KTN1: variants seen among roughly 807,000 people sequenced by gnomAD.
The protein encoded by KTN1 is kinectin 1.
KTN1 carries 130 observed loss-of-function variants against 222.5 expected under a neutral mutation model. The ratio of observed to expected loss-of-function variants is 0.58; its 90% confidence interval spans 0.51 to 0.68. The LOEUF (loss-of-function observed/expected upper bound fraction) is 0.68. KTN1 is among the 30% of genes least tolerant of loss of function. The pLI, the probability that KTN1 is intolerant of heterozygous loss-of-function variation, is 0.00. For missense variants in KTN1, 1,508 were observed against 1,500.4 expected, an observed-to-expected ratio of 1.01 and a Z score of -0.08; for synonymous variants, 512 against 496.3, an observed-to-expected ratio of 1.03 and a Z score of -0.42.
chr14:55,586,568 A>G (rs2033042501), intron 1 of KTN1, among the ~76,000 whole-genome samples: 1 of 152,168 alleles, frequency 6.6e-6, no homozygotes, highest in Non-Finnish European at 1.5e-5. Context: ...CTTAGAGCCC[A>G]TTCTTACCCG....
At chr14:55,633,810 C>T (rs115812634) in intron 8 of KTN1, among the ~76,000 whole-genome samples, 150 of 152,186 alleles carry the variant, frequency 9.9e-4, no homozygotes, top group African/African-American at 3.4e-3. Flanking sequence ...TTATGATTCA[C>T]TGACTCTGAG....
chr14:55,598,452 G>T (rs936372001), intron 1 of KTN1, among the ~76,000 whole-genome samples: 1 of 141,956 alleles, frequency 7.0e-6, no homozygotes. Flanking sequence ...AAAAAAAAAA[G>T]AATATTGGTT....
chr14:55,680,727 A>G (rs2141422041), intron 43 of KTN1: 1 of 1,364,874 alleles, frequency 7.3e-7, no homozygotes, highest in Middle Eastern at 2.1e-4. Context: ...GCTCTCCTTC[A>G]AAATGCTAAT....
At chr14:55,622,472 A>G (rs1184233292) in intron 5 of KTN1, among the ~76,000 whole-genome samples, 5 of 152,222 alleles carry the variant, frequency 3.3e-5, no homozygotes, top group Non-Finnish European at 7.3e-5. Context: ...CTATAATATC[A>G]TATGTACTAT....
chr14:55,637,897 A>C (rs889829082), intron 12 of KTN1, 50 bp downstream of exon 12: 1 of 1,389,752 alleles, frequency 7.2e-7, no homozygotes, highest in Admixed American at 1.8e-5. Context: ...AGCCATTTAA[A>C]CACTCACCTG....
At chr14:55,612,865 C>A (rs2037787639) in intron 2 of KTN1, among the ~76,000 whole-genome samples, 1 of 148,694 alleles carries the variant, frequency 6.7e-6, no homozygotes, top group African/African-American at 2.5e-5. Flanking sequence ...CCAGCCTGGG[C>A]AACAAAGTGA....
At chr14:55,624,061 T>C (rs79921041) in intron 5 of KTN1, among the ~76,000 whole-genome samples, 11,651 of 152,290 alleles carry the variant, frequency 0.077, 498 homozygotes, top group South Asian at 0.11. Flanking sequence ...TTCACATTTT[T>C]CCCCTTTTCC....
intron 31 of KTN1, 23 bp downstream of exon 31, chr14:55,659,726 A>C: frequency 7.5e-7 from 1 of 1,327,564 alleles, no homozygotes; most frequent in Non-Finnish European, 1.1e-6. Flanking sequence ...TTTGAGTCAC[A>C]GTTTATAAAG....
chr14:55,609,449 G>A (rs2037224935), intron 1 of KTN1, among the ~76,000 whole-genome samples: 1 of 152,182 alleles, frequency 6.6e-6, no homozygotes, highest in Admixed American at 6.5e-5. Flanking sequence ...GAATTGAATT[G>A]TGTGAAGAGA....
At chr14:55,621,677 G>C (rs1215587004) in intron 5 of KTN1, among the ~76,000 whole-genome samples, 1 of 151,866 alleles carries the variant, frequency 6.6e-6, no homozygotes, top group African/African-American at 2.4e-5. Flanking sequence ...CTCTCCCACG[G>C]CACGTGGGAA....
intron 43 of KTN1, chr14:55,682,677 A>T (rs996115896): frequency 6.6e-6 from 1 of 152,144 alleles, no homozygotes; most frequent in Admixed American, 6.5e-5. Context: ...CAACAGACCC[A>T]AAGAGATTCT....
intron 31 of KTN1, among the ~76,000 whole-genome samples, chr14:55,660,750 T>C (rs989412126): frequency 2.0e-5 from 3 of 152,194 alleles, no homozygotes; most frequent in African/African-American, 7.2e-5. Flanking sequence ...ATAGGTCTGT[T>C]TTATACATGT....
intron 1 of KTN1, among the ~76,000 whole-genome samples, chr14:55,611,708 G>C (rs1047323315): frequency 7.2e-5 from 11 of 152,158 alleles, no homozygotes; most frequent in Admixed American, 4.6e-4. Context: ...AGTACCAAAA[G>C]TGGATATTTC....
intron 1 of KTN1, among the ~76,000 whole-genome samples, chr14:55,584,775 C>T (rs1374992325): frequency 6.6e-6 from 1 of 152,090 alleles, no homozygotes; most frequent in East Asian, 1.9e-4. Context: ...ATTGATGACT[C>T]TTTAAGAGTT....
chr14:55,625,787 T>C (rs1382170180), intron 5 of KTN1, among the ~76,000 whole-genome samples: 1 of 152,222 alleles, frequency 6.6e-6, no homozygotes, highest in Admixed American at 6.5e-5. Context: ...AAACATTTTA[T>C]GCATTTGTTG....
At chr14:55,641,883 G>A in intron 18 of KTN1, 123 bp downstream of exon 18, 1 of 669,536 alleles carries the variant, frequency 1.5e-6, no homozygotes, top group Non-Finnish European at 2.7e-6. Context: ...GGCTGTTATT[G>A]CCTTTCTATT....
intron 5 of KTN1, among the ~76,000 whole-genome samples, chr14:55,622,620 A>G (rs2039307690): frequency 6.6e-6 from 1 of 151,974 alleles, no homozygotes; most frequent in Admixed American, 6.6e-5. Flanking sequence ...TTTCCCCATA[A>G]CCTCTTGCCT....
At chr14:55,651,107 TAGTG>T (rs977986540) in intron 24 of KTN1, among the ~76,000 whole-genome samples, 9 of 152,114 alleles carry the variant, frequency 5.9e-5, no homozygotes, top group Non-Finnish European at 7.4e-5. Context: ...CTTGAAAAAA[TAGTG>T]AGATTTCATT....
chr14:55,604,101 GC>G (rs1357492275), intron 1 of KTN1, among the ~76,000 whole-genome samples: 1 of 152,116 alleles, frequency 6.6e-6, no homozygotes, highest in African/African-American at 2.4e-5. Flanking sequence ...GAGAGTGTTA[GC>G]CACAATCCTT....
Sources: gnomAD v4.1 joint callset for allele counts (sites outside exome capture counted in the v4.1 genomes callset) on GRCh38, gnomAD v4.1.1 for gene constraint, MANE v1.5 for transcripts, NCBI Gene and HGNC (gene_info 2026-07-23, HGNC 2026-07-21) for gene names.